Variants in ATP2C2 observed in about 807,000 individuals in gnomAD.
ATP2C2 encodes the protein calcium-transporting ATPase type 2C member 2.
Under a neutral mutation model 110.8 loss-of-function variants are expected in ATP2C2, and 171 were observed. The ratio of observed to expected loss-of-function variants is 1.54; its 90% CI spans 1.36 to 1.75. The LOEUF (loss-of-function observed/expected upper bound fraction) is 1.75. ATP2C2 is among the 40% of genes most tolerant of loss of function. The pLI, the probability that ATP2C2 is intolerant of heterozygous loss-of-function variation, is 0.00. For missense variants in ATP2C2, 1,963 were observed against 1,235.0 expected, an observed-to-expected ratio of 1.59 and a Z score of -8.84; for synonymous variants, 804 against 508.4, an observed-to-expected ratio of 1.58 and a Z score of -7.82.
chr16:84,373,376 T>G (rs1910070680), intron 1 of ATP2C2, among the ~76,000 whole-genome samples: 1 of 152,086 alleles, frequency 6.6e-6, no homozygotes. Flanking sequence ...GGTGGGTGCC[T>G]GTAACCCCGG....
In ATP2C2 at chr16:84,460,482, G is replaced by C. The variant is rs8052817; in HGVS notation, c.2334-172G>C. 1.5e-3 allele frequency: 1,321 copies of C among 871,888 alleles called. 19 individuals carry two copies. In the African/African-American group the frequency reaches 0.02, roughly 13 times the overall value. The allele number at this position is 871,888 out of a possible 1,614,324, so 54.0% of individuals were successfully genotyped here. A position where few individuals can be genotyped will look rare whatever the true frequency, so the allele number is the denominator to read the frequency against. ...CAGCTGCCCATGGACCCAGGCTCTG[G>C]GGCTTCTGGAAGGTGCCGAGGAGGG... On this transcript the variant is annotated intron_variant, in intron 23 of 26. Transcript: ENST00000262429.
At chr16:84,410,296 A>G (rs951138287) in intron 4 of ATP2C2, among the ~76,000 whole-genome samples, 13 of 152,148 alleles carry the variant, frequency 8.5e-5, no homozygotes, top group African/African-American at 2.7e-4. Flanking sequence ...TTATAAAAGA[A>G]TATGTCCAGA....
chr16:84,455,019 A>C (rs1910661113), intron 21 of ATP2C2, 35 bp downstream of exon 21: 1 of 1,605,492 alleles, frequency 6.2e-7, no homozygotes, highest in African/African-American at 1.3e-5. Flanking sequence ...TCAGTTGCAA[A>C]AATGCCTGGG....
chr16:84,382,071 G>A (rs540731642), intron 1 of ATP2C2, among the ~76,000 whole-genome samples: 2 of 152,250 alleles, frequency 1.3e-5, no homozygotes, highest in South Asian at 2.1e-4. Context: ...GTGCCATGGT[G>A]GTTTGCTGCA....
At chr16:84,409,069 T>C (rs538978195) in intron 4 of ATP2C2, among the ~76,000 whole-genome samples, 2 of 152,164 alleles carry the variant, frequency 1.3e-5, no homozygotes, top group African/African-American at 2.4e-5. Flanking sequence ...ACCAATCTTT[T>C]TCTATCTCTG....
chr16:84,379,880 C>A (rs1056119194), intron 1 of ATP2C2, among the ~76,000 whole-genome samples: 1 of 152,026 alleles, frequency 6.6e-6, no homozygotes, highest in African/African-American at 2.4e-5. Context: ...GAAAGCAGAG[C>A]CTGTAAGAAA....
At chr16:84,426,350 C>G (rs547019176) in intron 11 of ATP2C2, among the ~76,000 whole-genome samples, 56 of 152,224 alleles carry the variant, frequency 3.7e-4, no homozygotes, top group African/African-American at 1.2e-3. Flanking sequence ...AGGGATCCAC[C>G]CCATCGTCCA....
intron 1 of ATP2C2, among the ~76,000 whole-genome samples, chr16:84,387,997 G>A (rs940602250): frequency 2.0e-5 from 3 of 151,732 alleles, no homozygotes; most frequent in Admixed American, 6.6e-5. Context: ...TGCTGGTCTC[G>A]GGTGAGCCCA....
chr16:84,409,095 A>T (rs1020072765), intron 4 of ATP2C2, among the ~76,000 whole-genome samples: 2 of 152,122 alleles, frequency 1.3e-5, no homozygotes, highest in African/African-American at 4.8e-5. Flanking sequence ...TGAATGACCT[A>T]TTCTGGATAT....
At chr16:84,372,786 T>G (rs953858402) in intron 1 of ATP2C2, among the ~76,000 whole-genome samples, 1 of 152,152 alleles carries the variant, frequency 6.6e-6, no homozygotes, top group African/African-American at 2.4e-5. Flanking sequence ...ATAAAACTTG[T>G]AATAAACATA....
Position 84,461,793 on chromosome 16 carries a change from C to G in ATP2C2, c.2561C>G (p.Ala854Gly), listed in dbSNP as rs1911374503. The change falls in exon 25 of 27, where the codon GCC (alanine) becomes GGC (glycine). Residue 854 changes from alanine (A) to glycine (G), a missense_variant. By Grantham distance (60) the Ala-to-Gly change is moderately conservative. Transcript: ENST00000262429. ...TTTGTGTTTTTCGATCTCTTCAACGCCTTGACCTGCCGCTCTCAGGTGAGA... is the reference window on the plus strand; with the variant it reads ...TTTGTGTTTTTCGATCTCTTCAACGGCTTGACCTGCCGCTCTCAGGTGAGA... Reference protein sequence around the residue: ...TCFVFFDLFNALTCRSQTKLI... With the variant: ...TCFVFFDLFNGLTCRSQTKLI... 1 of 1,614,054 alleles carries G rather than the reference C, an allele frequency of 6.2e-7. No homozygotes were observed. The highest frequency in any genetic ancestry group is 1.7e-5 in the Admixed American group (1 of 60,010).
chr16:84,437,911 G>A (rs371634119), intron 11 of ATP2C2, among the ~76,000 whole-genome samples: 20 of 152,126 alleles, frequency 1.3e-4, no homozygotes, highest in African/African-American at 4.3e-4. Context: ...CTAAGCAATC[G>A]CTCATCTTTC....
At chr16:84,429,456 G>A (rs536892773) in intron 11 of ATP2C2, among the ~76,000 whole-genome samples, 13 of 152,190 alleles carry the variant, frequency 8.5e-5, no homozygotes, top group Admixed American at 3.9e-4. Flanking sequence ...TCCAGCCTTC[G>A]TGGAGCTTTT....
chr16:84,428,798 A>G (rs1055351263), intron 11 of ATP2C2, among the ~76,000 whole-genome samples: 6 of 152,232 alleles, frequency 3.9e-5, no homozygotes, highest in African/African-American at 1.2e-4. Context: ...AGAACAAGAA[A>G]AAAAGCTGTA....
At chr16:84,418,389 C>G (rs191864922) in intron 7 of ATP2C2, among the ~76,000 whole-genome samples, 2 of 152,154 alleles carry the variant, frequency 1.3e-5, no homozygotes. Flanking sequence ...CTCCTGCCCA[C>G]CTGCTGAACC....
At chr16:84,421,568 C>T (rs375252194) in intron 7 of ATP2C2, among the ~76,000 whole-genome samples, 56 of 152,208 alleles carry the variant, frequency 3.7e-4, no homozygotes, top group African/African-American at 1.2e-3. Flanking sequence ...CACCCAGCCC[C>T]GCTTTATGAA....
chr16:84,415,968 A>G (rs533379193), intron 7 of ATP2C2, among the ~76,000 whole-genome samples: 3 of 152,200 alleles, frequency 2.0e-5, no homozygotes, highest in Non-Finnish European at 2.9e-5. Context: ...ACTTAAGGTC[A>G]GGAGTTCAAG....
intron 1 of ATP2C2, among the ~76,000 whole-genome samples, chr16:84,390,044 C>G (rs1313672599): frequency 6.6e-6 from 1 of 152,212 alleles, no homozygotes; most frequent in Non-Finnish European, 1.5e-5. Context: ...TATCCCACGG[C>G]AGCCCTGTGG....
chr16:84,450,812 T>G (rs998357936), intron 17 of ATP2C2, among the ~76,000 whole-genome samples: 5 of 152,034 alleles, frequency 3.3e-5, no homozygotes, highest in Non-Finnish European at 5.9e-5. Flanking sequence ...GTTGCTCCCC[T>G]GTCAATTTTT....
Sources: gnomAD v4.1 joint callset for allele counts (sites outside exome capture counted in the v4.1 genomes callset) on GRCh38, gnomAD v4.1.1 for gene constraint, MANE v1.5 for transcripts, NCBI Gene and HGNC (gene_info 2026-07-23, HGNC 2026-07-21) for gene names.